Variants in ZNF536 observed in about 807,000 individuals in gnomAD.
ZNF536 encodes zinc finger protein 536.
ZNF536 carries 13 observed loss-of-function variants against 84.5 expected under a neutral mutation model. That is an observed-to-expected ratio of 0.15 (90% CI 0.10 to 0.24). The LOEUF (loss-of-function observed/expected upper bound fraction) is 0.24, where lower values mean the gene tolerates loss of function less well. Among genes scored for constraint, ZNF536 ranks in the 10% least tolerant of loss-of-function variants. The pLI is 1.00. For missense variants in ZNF536, 1,536 were observed against 1,747.5 expected (o/e 0.88, Z 2.16); for synonymous variants, 811 against 742.5 (o/e 1.09, Z -1.50).
intron 1 of ZNF536, among the ~76,000 whole-genome samples, chr19:30,582,602 C>T (rs2046960985): frequency 6.6e-6 from 1 of 151,844 alleles, no homozygotes; most frequent in African/African-American, 2.4e-5. Flanking sequence ...TGTTCTCACA[C>T]TGCTGATAAA....
At chr19:30,478,059 C>T (rs545954422) in intron 2 of ZNF536, among the ~76,000 whole-genome samples, 1 of 152,036 alleles carries the variant, frequency 6.6e-6, no homozygotes, top group Non-Finnish European at 1.5e-5. Flanking sequence ...CAGACCTCGG[C>T]GTCCTTGAAG....
At chr19:30,370,540 A>G (rs146827444), upstream of ZNF536, among the ~76,000 whole-genome samples, 1,098 of 152,320 alleles carry the variant, frequency 7.2e-3, 16 homozygotes, top group African/African-American at 0.025. Flanking sequence ...TGTCACTTTT[A>G]TGCACAATCC....
chr19:30,244,960 A>C (rs1318579693), intron 1 of ZNF536, among the ~76,000 whole-genome samples: 1 of 152,206 alleles, frequency 6.6e-6, no homozygotes, highest in East Asian at 1.9e-4. Flanking sequence ...AAGTCCACTT[A>C]AGGAGGGTTT....
intron 2 of ZNF536, among the ~76,000 whole-genome samples, chr19:30,520,821 CT>C (rs1166448618): frequency 2.6e-5 from 4 of 152,126 alleles, no homozygotes; most frequent in Non-Finnish European, 5.9e-5. Context: ...GCTGGATGAC[CT>C]TTTGTCCACA....
intron 1 of ZNF536, among the ~76,000 whole-genome samples, chr19:30,661,031 C>T (rs763781046): frequency 2.6e-5 from 4 of 152,230 alleles, no homozygotes; most frequent in Non-Finnish European, 5.9e-5. Flanking sequence ...ACTGCATCAT[C>T]TCAGAGGCCA....
intron 1 of ZNF536, among the ~76,000 whole-genome samples, chr19:30,440,303 C>A (rs1181891650): frequency 1.3e-5 from 2 of 152,096 alleles, no homozygotes; most frequent in South Asian, 2.1e-4. Flanking sequence ...TTCAGCTTCT[C>A]AGTGGTAGCC....
intron 3 of ZNF536, among the ~76,000 whole-genome samples, chr19:30,538,518 A>G (rs1270046281): frequency 1.3e-5 from 2 of 152,188 alleles, no homozygotes; most frequent in East Asian, 3.9e-4. Context: ...GGTGCTGACT[A>G]GATGCACCAG....
chr19:30,582,888 G>A (rs1282290197), intron 1 of ZNF536, among the ~76,000 whole-genome samples: 1 of 152,168 alleles, frequency 6.6e-6, no homozygotes, highest in African/African-American at 2.4e-5. Context: ...CACAACACGT[G>A]GGAATTATGG....
chr19:30,394,526 T>G (rs979873165), intron 1 of ZNF536, among the ~76,000 whole-genome samples: 4 of 152,212 alleles, frequency 2.6e-5, no homozygotes, highest in Admixed American at 6.5e-5. Flanking sequence ...TCTGCTCGGC[T>G]GCACCAGAGG....
intron 1 of ZNF536, among the ~76,000 whole-genome samples, chr19:30,388,652 C>T (rs899809689): frequency 4.6e-5 from 7 of 152,224 alleles, no homozygotes; most frequent in South Asian, 2.1e-4. Context: ...TAAACCCTCA[C>T]GGTGTTTTCT....
At chr19:30,498,708 G>A (rs1156760333) in intron 2 of ZNF536, among the ~76,000 whole-genome samples, 1 of 152,226 alleles carries the variant, frequency 6.6e-6, no homozygotes, top group African/African-American at 2.4e-5. Flanking sequence ...CGGAGTGGCT[G>A]TCACATCCAG....
Position 30,445,846 on chromosome 19 carries a change from G to C in ZNF536, c.2170+114G>C. 7.1e-7 allele frequency: 1 copy of C among 1,402,898 alleles called. No individual in the cohort carries two copies. Among genetic ancestry groups the C allele is most frequent in the South Asian group, 1.5e-5 (1 of 67,146 alleles). 86.9% of individuals were successfully genotyped at this position (1,402,898 alleles called of 1,614,324 possible). A position where few individuals can be genotyped will look rare whatever the true frequency, so the allele number is the denominator to read the frequency against. On this transcript the variant is annotated intron_variant, in intron 2 of 4. Coordinates refer to ENST00000355537, the MANE Select transcript of ZNF536 (RefSeq NM_014717.3). The surrounding 1 kb of genome is among the most constrained non-coding windows in gnomAD (Gnocchi z 4.5). The stretch of plus-strand genomic sequence containing the variant: ...CCAAGGCCAGTGGGTCTTGATTGAG[G>C]ACAGGGGTGGGTTGGACACTGGGCC...
At chr19:30,685,104 T>G (rs554797965) in intron 1 of ZNF536, among the ~76,000 whole-genome samples, 1 of 152,264 alleles carries the variant, frequency 6.6e-6, no homozygotes, top group African/African-American at 2.4e-5. Context: ...TTTGGATAAC[T>G]TTGTGTTGGT....
At chr19:30,483,523 G>T (rs1244869614) in intron 2 of ZNF536, among the ~76,000 whole-genome samples, 7 of 134,732 alleles carry the variant, frequency 5.2e-5, no homozygotes, top group African/African-American at 1.9e-4. Context: ...AACACCCAGG[G>T]CATGGTCCAG....
intron 2 of ZNF536, among the ~76,000 whole-genome samples, chr19:30,285,094 G>A (rs1231581844): frequency 6.6e-6 from 1 of 152,140 alleles, no homozygotes; most frequent in Non-Finnish European, 1.5e-5. Flanking sequence ...TGTCAGTGCC[G>A]TTGGCACAGT....
At chr19:30,312,165 A>C (rs1481428515) in intron 2 of ZNF536, among the ~76,000 whole-genome samples, 2 of 152,188 alleles carry the variant, frequency 1.3e-5, no homozygotes, top group East Asian at 3.8e-4. Context: ...TACAGTTTGC[A>C]CTTGCCATTT....
intron 1 of ZNF536, among the ~76,000 whole-genome samples, chr19:30,635,374 T>C (rs2147277790): frequency 6.6e-6 from 1 of 152,372 alleles, no homozygotes; most frequent in African/African-American, 2.4e-5. Context: ...TGGTTGTTGC[T>C]TTGTGTTTAT....
At position 30,666,118 on chromosome 19, in the gene ZNF536, G is replaced by A. The variant is rs532335836; in HGVS notation, c.170-44639G>A. Among the ~76,000 whole-genome samples, 6 of 152,326 alleles carry A rather than the reference G, an allele frequency of 3.9e-5. No individual in the cohort carries two copies. The South Asian group carries it at 1.2e-3, about 32-fold the overall frequency. ...TGCTTTAGGGTTGATCTAGACAGAAGGTGCCTATCTGCAGACATGCCACAG... is the reference window on the plus strand; with the variant it reads ...TGCTTTAGGGTTGATCTAGACAGAAAGTGCCTATCTGCAGACATGCCACAG... On this transcript the variant is annotated intron_variant, in intron 1 of 1. Coordinates refer to the ZNF536 transcript ENST00000592773.
intron 1 of ZNF536, among the ~76,000 whole-genome samples, chr19:30,254,053 A>G (rs1270915997): frequency 6.6e-6 from 1 of 152,152 alleles, no homozygotes; most frequent in Non-Finnish European, 1.5e-5. Flanking sequence ...CCGTGTCACT[A>G]TTGCTGTATG....
Sources: allele counts gnomAD v4.1 joint callset (sites outside exome capture counted in the v4.1 genomes callset), GRCh38; gene constraint gnomAD v4.1.1; non-coding constraint Gnocchi (gnomAD v3.1); transcripts MANE v1.5; gene names NCBI Gene and HGNC (gene_info 2026-07-23, HGNC 2026-07-21).